Variants in FAT3 observed in about 807,000 individuals in gnomAD.
FAT3 encodes the protein FAT atypical cadherin 3, also known as protocadherin Fat 3.
A neutral mutation model predicts 310.2 loss-of-function variants in FAT3; 95 were observed. That is an observed-to-expected ratio of 0.31 (90% CI 0.26 to 0.36). The LOEUF (loss-of-function observed/expected upper bound fraction) is 0.36, where lower values mean the gene tolerates loss of function less well. Ranked by LOEUF, FAT3 falls within the 10% of genes least tolerant of loss-of-function variation. The pLI is 1.00. For synonymous variants in FAT3, 2,314 were observed against 2,192.9 expected (o/e 1.06, Z -1.54); for missense variants, 5,408 against 5,715.6 (o/e 0.95, Z 1.74).
intron 3 of FAT3, among the ~76,000 whole-genome samples, chr11:92,556,082 T>C (rs1955008181): frequency 2.6e-5 from 4 of 152,206 alleles, no homozygotes; most frequent in Admixed American, 1.3e-4. Flanking sequence ...TAATAAGTGC[T>C]CAACAAATGT....
chr11:92,743,519 G>T (rs2136032981), intron 4 of FAT3, among the ~76,000 whole-genome samples: 1 of 152,332 alleles, frequency 6.6e-6, no homozygotes, highest in South Asian at 2.1e-4. Context: ...TAGGGACATT[G>T]TTATATTGTA....
intron 3 of FAT3, among the ~76,000 whole-genome samples, chr11:92,657,507 A>T (rs998052010): frequency 1.3e-5 from 2 of 152,232 alleles, no homozygotes; most frequent in Non-Finnish European, 2.9e-5. Context: ...TAAAGTACAG[A>T]TGAGTGCCTT....
At chr11:92,867,910 T>TAA (rs11388066) in intron 22 of FAT3, among the ~76,000 whole-genome samples, 19 of 151,374 alleles carry the variant, frequency 1.3e-4, no homozygotes, top group South Asian at 2.1e-4. Flanking sequence ...GAGTAGGCAT[T>TAA]AAAAAAAAGC....
chr11:92,803,457 T>C (rs1947420976), intron 10 of FAT3, among the ~76,000 whole-genome samples: 1 of 152,232 alleles, frequency 6.6e-6, no homozygotes, highest in African/African-American at 2.4e-5. Context: ...AAGCATTTAA[T>C]AGAGAGGTTA....
At chr11:92,268,256 G>A (rs1298593086) in intron 1 of FAT3, among the ~76,000 whole-genome samples, 1 of 152,014 alleles carries the variant, frequency 6.6e-6, no homozygotes, top group Non-Finnish European at 1.5e-5. Context: ...ACAGCAAGAG[G>A]CAGAGATAGG....
intron 1 of FAT3, among the ~76,000 whole-genome samples, chr11:92,301,672 A>G (rs1947001604): frequency 6.6e-6 from 1 of 152,074 alleles, no homozygotes; most frequent in African/African-American, 2.4e-5. Context: ...CAGTTACATT[A>G]TTATTATTGT....
At chr11:92,292,332 G>T (rs2134397867) in intron 1 of FAT3, among the ~76,000 whole-genome samples, 1 of 152,098 alleles carries the variant, frequency 6.6e-6, no homozygotes, top group South Asian at 2.1e-4. Flanking sequence ...ATTTTTTAAT[G>T]AATCCAGATG....
chr11:92,268,756 T>C (rs571516904), intron 1 of FAT3, among the ~76,000 whole-genome samples: 27 of 152,302 alleles, frequency 1.8e-4, no homozygotes, highest in African/African-American at 6.3e-4. Flanking sequence ...TAAGTTACCA[T>C]TGGCTTCAGA....
chr11:92,808,399 A>C (rs923092054), intron 12 of FAT3, among the ~76,000 whole-genome samples: 2 of 152,244 alleles, frequency 1.3e-5, no homozygotes, highest in Non-Finnish European at 2.9e-5. Flanking sequence ...TCAGTGGCTT[A>C]AACAGGACAC....
chr11:92,707,055 G>A (rs1591632684), intron 4 of FAT3, among the ~76,000 whole-genome samples: 1 of 152,124 alleles, frequency 6.6e-6, no homozygotes, highest in African/African-American at 2.4e-5. Flanking sequence ...TAAGCTGCAG[G>A]CAAACACTTA....
At chr11:92,822,044 C>A (rs1284147140) in intron 13 of FAT3, among the ~76,000 whole-genome samples, 2 of 152,062 alleles carry the variant, frequency 1.3e-5, no homozygotes, top group Non-Finnish European at 2.9e-5. Context: ...GATTATAATG[C>A]CTTTCCCTAT....
intron 3 of FAT3, among the ~76,000 whole-genome samples, chr11:92,669,402 A>G (rs1943060034): frequency 6.6e-6 from 1 of 152,214 alleles, no homozygotes; most frequent in Non-Finnish European, 1.5e-5. Context: ...CACATAGGGG[A>G]GTCCTCAATA....
intron 1 of FAT3, among the ~76,000 whole-genome samples, chr11:92,253,141 A>C: frequency 6.6e-6 from 1 of 152,004 alleles, no homozygotes; most frequent in Non-Finnish European, 1.5e-5. Context: ...CCCATTGCCC[A>C]GGGTGCCTTG....
chr11:92,263,323 T>C (rs1431608011), intron 1 of FAT3, among the ~76,000 whole-genome samples: 3 of 151,676 alleles, frequency 2.0e-5, no homozygotes, highest in African/African-American at 4.8e-5. Context: ...TACACACACA[T>C]ATACACACAC....
chr11:92,225,008 C>G lies in FAT3; in HGVS notation c.-184C>G, dbSNP rs1489496931. On this transcript the variant is annotated 5_prime_UTR_variant, in exon 1 of 28. Transcript: ENST00000525166. The stretch of plus-strand genomic sequence containing the variant: ...GCGGCGGCGGCGGCGGCGTCCCGAG[C>G]GCAGAGCGCTTCTGCTCGCGGCCTC... Among the ~76,000 whole-genome samples the G allele has an allele frequency of 6.6e-6, 1 of 152,096 alleles. No individual in the cohort carries two copies. Among genetic ancestry groups the G allele is most frequent in the South Asian group, 2.1e-4 (1 of 4,830 alleles).
At chr11:92,617,842 G>A (rs1022880245) in intron 3 of FAT3, among the ~76,000 whole-genome samples, 3 of 152,282 alleles carry the variant, frequency 2.0e-5, no homozygotes, top group African/African-American at 4.8e-5. Context: ...CCTTCCTCTG[G>A]ATGCTTCATC....
At chr11:92,475,390 T>G (rs748018950) in intron 2 of FAT3, among the ~76,000 whole-genome samples, 5 of 152,098 alleles carry the variant, frequency 3.3e-5, no homozygotes, top group Non-Finnish European at 7.4e-5. Context: ...TGATGAACAA[T>G]AGATGTGGAT....
intron 3 of FAT3, among the ~76,000 whole-genome samples, chr11:92,636,588 C>A (rs1266259182): frequency 6.6e-6 from 1 of 152,036 alleles, no homozygotes; most frequent in East Asian, 1.9e-4. Context: ...AACAAAGATC[C>A]AACAATAAAG....
intron 1 of FAT3, among the ~76,000 whole-genome samples, chr11:92,282,972 A>G (rs1257906001): frequency 6.6e-6 from 1 of 152,074 alleles, no homozygotes; most frequent in Non-Finnish European, 1.5e-5. Context: ...CTCTATAGTA[A>G]TCATCACCAA....
Sources: allele counts gnomAD v4.1 joint callset (sites outside exome capture counted in the v4.1 genomes callset), GRCh38; gene constraint gnomAD v4.1.1; transcripts MANE v1.5; gene names NCBI Gene and HGNC (gene_info 2026-07-23, HGNC 2026-07-21).